Variants in ARL15 observed in about 807,000 individuals in gnomAD.
The protein encoded by ARL15 is ARF like GTPase 15.
In ARL15, 19 loss-of-function variants were observed where a neutral mutation model predicts 25.2. The observed-to-expected ratio is 0.75, with a 90% CI of 0.53 to 1.10. The LOEUF is 1.10. ARL15 is among the 50% of genes least tolerant of loss of function. The pLI, the probability that ARL15 is intolerant of heterozygous loss-of-function variation, is 0.00. For synonymous variants in ARL15, 94 were observed against 86.8 expected (o/e 1.08, Z -0.46); for missense variants, 220 against 246.0 (o/e 0.89, Z 0.71).
chr5:53,922,667 T>C lies in ARL15; in HGVS notation c.463-35954A>G, dbSNP rs528742965. ...CCAGCGGGGAGGAAACAGGTGGCAT[T>C]CAAATGGATAGGCCAGTACGTCAAT... On this transcript the variant is annotated intron_variant, in intron 4 of 4. Coordinates refer to ENST00000504924, the MANE Select transcript of ARL15 (RefSeq NM_019087.3). Among the ~76,000 whole-genome samples the C allele has an allele frequency of 1.1e-4, 17 of 152,302 alleles. No homozygotes were observed. In the South Asian group the frequency reaches 3.5e-3, roughly 32 times the overall value.
rs11374687 is a variant in ARL15 at position 54,034,832 on chromosome 5, C to CTT, written c.462+78368_462+78369dup. Among the ~76,000 whole-genome samples the CTT allele has an allele frequency of 4.2e-3, 605 of 145,378 alleles. 18 individuals carry two copies. The East Asian group carries it at 0.092, about 22-fold the overall frequency. ...CATGCCGCCACACTCAGCTAAATAA[C>CTT]TTTTTTTTTTTTTAGAGACGGGGGG... On this transcript the variant is annotated intron_variant, in intron 4 of 4. Coordinates refer to ENST00000504924, the MANE Select transcript of ARL15 (RefSeq NM_019087.3).
At chr5:54,083,943 T>A (rs1413388691) in intron 4 of ARL15, among the ~76,000 whole-genome samples, 3 of 152,172 alleles carry the variant, frequency 2.0e-5, no homozygotes, top group African/African-American at 7.2e-5. Context: ...GGAGAATTAA[T>A]CATACAGAAA....
chr5:54,116,603 C>T (rs1210243038), intron 3 of ARL15, among the ~76,000 whole-genome samples: 1 of 152,186 alleles, frequency 6.6e-6, no homozygotes, highest in Non-Finnish European at 1.5e-5. Flanking sequence ...AGAATGCTTT[C>T]ATTGAGTTTC....
intron 4 of ARL15, among the ~76,000 whole-genome samples, chr5:53,902,878 A>T (rs934272035): frequency 6.6e-5 from 10 of 152,152 alleles, no homozygotes; most frequent in African/African-American, 2.4e-4. Context: ...AGGGGCAGGG[A>T]GCTGAGGCAG....
At chr5:54,080,957 C>A (rs1395246470) in intron 4 of ARL15, among the ~76,000 whole-genome samples, 2 of 152,176 alleles carry the variant, frequency 1.3e-5, no homozygotes, top group African/African-American at 4.8e-5. Context: ...CTAGCTGTGT[C>A]TTCACGTAGG....
intron 1 of ARL15, among the ~76,000 whole-genome samples, chr5:54,221,887 T>C (rs531822930): frequency 1.5e-4 from 22 of 151,452 alleles, no homozygotes; most frequent in Non-Finnish European, 2.1e-4. Context: ...CTCATGCACA[T>C]GTGTGCATGC....
intron 1 of ARL15, among the ~76,000 whole-genome samples, chr5:54,190,015 C>T (rs1319599958): frequency 2.6e-5 from 4 of 152,074 alleles, no homozygotes; most frequent in African/African-American, 7.2e-5. Context: ...AAAAGACATT[C>T]CTCCAAAGAA....
At chr5:54,267,536 A>G (rs561028477) in intron 1 of ARL15, among the ~76,000 whole-genome samples, 79 of 152,292 alleles carry the variant, frequency 5.2e-4, no homozygotes, top group African/African-American at 1.8e-3. Context: ...ATAATTTCCA[A>G]CTTGTTATAA....
rs112726158 is a variant in ARL15 at position 53,952,106 on chromosome 5, T to TA, written c.463-65394dup. ...GGTGAAACCCTGTCTCTACTAAAAA[T>TA]AAAAAAAATAGCCAGGCATGGTGGT... On this transcript the variant is annotated intron_variant, in intron 4 of 4. Coordinates refer to ENST00000504924, the MANE Select transcript of ARL15 (RefSeq NM_019087.3). 1.2e-3 allele frequency among the ~76,000 whole-genome samples: 187 copies of TA among 151,236 alleles called. 1 individual carries two copies. Among genetic ancestry groups the TA allele is most frequent in the African/African-American group, 4.0e-3 (164 of 41,214 alleles).
intron 1 of ARL15, among the ~76,000 whole-genome samples, chr5:54,297,746 G>A (rs1179007731): frequency 1.3e-5 from 2 of 152,086 alleles, no homozygotes; most frequent in African/African-American, 4.8e-5. Flanking sequence ...CAACATTTAT[G>A]GTTCAGCCTC....
intron 2 of ARL15, among the ~76,000 whole-genome samples, chr5:54,161,140 T>C (rs1338504219): frequency 2.0e-5 from 3 of 152,140 alleles, no homozygotes; most frequent in Non-Finnish European, 4.4e-5. Context: ...TATAATCATT[T>C]TGATCAAGTT....
intron 4 of ARL15, among the ~76,000 whole-genome samples, chr5:53,962,851 T>C (rs1001642784): frequency 6.6e-6 from 1 of 152,150 alleles, no homozygotes; most frequent in Non-Finnish European, 1.5e-5. Context: ...GTTATCAAAA[T>C]AAGGTTTTTT....
intron 1 of ARL15, among the ~76,000 whole-genome samples, chr5:54,264,454 G>T (rs774792763): frequency 5.3e-5 from 8 of 152,094 alleles, no homozygotes; most frequent in Non-Finnish European, 1.0e-4. Context: ...CTTTAAAAAT[G>T]CAAGTTAGTC....
intron 1 of ARL15, among the ~76,000 whole-genome samples, chr5:54,270,681 T>C (rs1456793892): frequency 5.3e-5 from 8 of 152,220 alleles, no homozygotes; most frequent in Non-Finnish European, 1.2e-4. Context: ...TAGGTCTGTG[T>C]TGGGTGCTAC....
At chr5:54,220,871 C>T (rs971039036) in intron 1 of ARL15, among the ~76,000 whole-genome samples, 1 of 152,042 alleles carries the variant, frequency 6.6e-6, no homozygotes, top group African/African-American at 2.4e-5. Flanking sequence ...TGCCGACTCT[C>T]GTCCTGGCAC....
intron 4 of ARL15, among the ~76,000 whole-genome samples, chr5:53,920,474 C>T (rs10052963): frequency 0.9 from 136,701 of 151,790 alleles, 61,706 homozygotes; most frequent in Middle Eastern, 0.94. Context: ...GTGAGCATCA[C>T]TGTAGCTGCT....
At chr5:53,909,791 T>A (rs958275818) in intron 4 of ARL15, among the ~76,000 whole-genome samples, 1 of 152,120 alleles carries the variant, frequency 6.6e-6, no homozygotes, top group Non-Finnish European at 1.5e-5. Flanking sequence ...GAAATAAAAC[T>A]ACACTGTATG....
At chr5:54,307,062 G>A (rs1758774938) in intron 1 of ARL15, among the ~76,000 whole-genome samples, 1 of 152,180 alleles carries the variant, frequency 6.6e-6, no homozygotes, top group South Asian at 2.1e-4. Flanking sequence ...TGCCTGTTGG[G>A]ACAGCAGCTA....
At chr5:54,196,185 A>T (rs1755544125) in intron 1 of ARL15, among the ~76,000 whole-genome samples, 1 of 152,176 alleles carries the variant, frequency 6.6e-6, no homozygotes. Context: ...CTTAAAGAGT[A>T]TGTTTTATGA....
Sources: gnomAD v4.1 joint callset for allele counts (sites outside exome capture counted in the v4.1 genomes callset) on GRCh38, gnomAD v4.1.1 for gene constraint, MANE v1.5 for transcripts, NCBI Gene and HGNC (gene_info 2026-07-23, HGNC 2026-07-21) for gene names.